PLXNC1: variants seen among roughly 807,000 people sequenced by gnomAD.
PLXNC1 encodes plexin-C1.
In PLXNC1, 75 loss-of-function variants were observed where a neutral mutation model predicts 178.2. The observed-to-expected ratio is 0.42, with a 90% CI of 0.35 to 0.51. The LOEUF (loss-of-function observed/expected upper bound fraction) is 0.51. Among genes scored for constraint, PLXNC1 ranks in the 20% least tolerant of loss-of-function variants. The pLI is 0.02. For missense variants in PLXNC1, 1,503 were observed against 1,984.4 expected (o/e 0.76, Z 4.61); for synonymous variants, 790 against 779.9 (o/e 1.01, Z -0.22).
chr12:94,199,692 G>A (rs2135987841), intron 4 of PLXNC1, among the ~76,000 whole-genome samples: 1 of 152,332 alleles, frequency 6.6e-6, no homozygotes, highest in Admixed American at 6.5e-5. Flanking sequence ...GGGGATAGCA[G>A]TGCTAAGGGG....
At chr12:94,259,899 CAAA>C (rs67260160) in intron 19 of PLXNC1, among the ~76,000 whole-genome samples, 165 bp downstream of exon 19, 34 of 114,218 alleles carry the variant, frequency 3.0e-4, no homozygotes, top group Admixed American at 9.9e-4. Flanking sequence ...CTTGTCTCTA[CAAA>C]AAAAAAAAAA....
intron 4 of PLXNC1, among the ~76,000 whole-genome samples, chr12:94,191,870 A>G (rs1423284959): frequency 6.6e-6 from 1 of 152,150 alleles, no homozygotes; most frequent in Non-Finnish European, 1.5e-5. Flanking sequence ...GGAACCTCAG[A>G]TCCAACCTGT....
At chr12:94,283,156 A>G (rs1228272234) in intron 23 of PLXNC1, among the ~76,000 whole-genome samples, 3 of 117,006 alleles carry the variant, frequency 2.6e-5, no homozygotes, top group Admixed American at 1.6e-4. Flanking sequence ...AAGGAGTGCA[A>G]AAAAGGACGG....
intron 4 of PLXNC1, among the ~76,000 whole-genome samples, chr12:94,203,765 G>A (rs554137380): frequency 2.9e-4 from 44 of 152,292 alleles, no homozygotes; most frequent in Non-Finnish European, 4.1e-4. Context: ...AACAGTGCCT[G>A]GCCTATGGGC....
At chr12:94,241,522 A>G (rs904431378) in intron 11 of PLXNC1, among the ~76,000 whole-genome samples, 1 of 151,678 alleles carries the variant, frequency 6.6e-6, no homozygotes, top group Non-Finnish European at 1.5e-5. Context: ...CCGCCACACC[A>G]CCCTTCCCAG....
chr12:94,182,859 G>GTATCTATCTATCTATC (rs59933010), intron 3 of PLXNC1, among the ~76,000 whole-genome samples: 63 of 144,040 alleles, frequency 4.4e-4, no homozygotes, highest in South Asian at 1.1e-3. Context: ...AAGAATATCT[G>GTATCTATCTATCTATC]TATCTATCTA....
Position 94,297,369 on chromosome 12 carries a change from G to A in PLXNC1, c.4020G>A (p.Gly1340=), listed in dbSNP as rs146466581. Residue 1340 remains glycine, a synonymous_variant, in exon 26 of 31, where the codon GGG becomes GGA. Coordinates refer to ENST00000258526, the MANE Select transcript of PLXNC1 (RefSeq NM_005761.3). ...ATGTGCAAGGAAAGAGACATCGAGG[G>A]AAGCACAAGTTCAAAGTAAAAGAAA... ...FQDVQGKRHR[G]KHKFKVKEMY... is the part of the protein sequence containing the mutation. 390 of 1,614,024 alleles carry A rather than the reference G, an allele frequency of 2.4e-4. 1 individual carries two copies. Among genetic ancestry groups the A allele is most frequent in the Non-Finnish European group, 2.7e-4 (316 of 1,179,958 alleles).
intron 17 of PLXNC1, among the ~76,000 whole-genome samples, chr12:94,256,950 A>G (rs1964862616): frequency 6.6e-6 from 1 of 152,182 alleles, no homozygotes; most frequent in Non-Finnish European, 1.5e-5. Flanking sequence ...GTTGTGTATA[A>G]TCTTGAAAAA....
chr12:94,204,741 A>AATT (rs1416229752), intron 4 of PLXNC1, among the ~76,000 whole-genome samples: 2 of 152,232 alleles, frequency 1.3e-5, no homozygotes, highest in African/African-American at 4.8e-5. Context: ...CCTTCCCTAA[A>AATT]AATGCAGACA....
intron 6 of PLXNC1, among the ~76,000 whole-genome samples, chr12:94,220,909 A>T (rs983654671): frequency 1.3e-5 from 2 of 152,192 alleles, no homozygotes; most frequent in Non-Finnish European, 2.9e-5. Flanking sequence ...TTATTTGAAG[A>T]ACCAGAAGAG....
At chr12:94,290,877 C>T (rs1259149555) in intron 23 of PLXNC1, among the ~76,000 whole-genome samples, 5 of 152,200 alleles carry the variant, frequency 3.3e-5, no homozygotes, top group East Asian at 1.9e-4. Context: ...AGGGTCAGTC[C>T]TCCAGAAACA....
intron 5 of PLXNC1, among the ~76,000 whole-genome samples, chr12:94,214,321 A>G (rs1332462950): frequency 6.6e-6 from 1 of 152,102 alleles, no homozygotes; most frequent in Non-Finnish European, 1.5e-5. Flanking sequence ...CCCTGGGCTC[A>G]AGTGATCCTC....
Position 94,306,436 on chromosome 12 carries a change from C to T in PLXNC1, c.*1151C>T, listed in dbSNP as rs1195608559. Reference sequence around the variant, plus strand: ...TTCATGCCTTTCTTTTTAAAGAATTCTCTATCCAGTTATACTGTAGTCTTT... The same window carrying T: ...TTCATGCCTTTCTTTTTAAAGAATTTTCTATCCAGTTATACTGTAGTCTTT... On this transcript the variant is annotated 3_prime_UTR_variant, in exon 31 of 31. Coordinates refer to ENST00000258526, the MANE Select transcript of PLXNC1 (RefSeq NM_005761.3). The T allele has an allele frequency of 6.6e-6, 1 of 152,134 alleles. No individual in the cohort carries two copies. The highest frequency in any genetic ancestry group is 1.5e-5 in the Non-Finnish European group (1 of 68,014). 9.4% of individuals were successfully genotyped at this position (152,134 alleles called of 1,614,324 possible).
chr12:94,269,934 G>T (rs1182657421), intron 21 of PLXNC1, among the ~76,000 whole-genome samples: 2 of 152,114 alleles, frequency 1.3e-5, no homozygotes, highest in East Asian at 3.8e-4. Context: ...AACATGTAAT[G>T]GGTGCTTTAA....
At chr12:94,220,987 C>T (rs890912475) in intron 6 of PLXNC1, among the ~76,000 whole-genome samples, 3 of 152,160 alleles carry the variant, frequency 2.0e-5, no homozygotes, top group Non-Finnish European at 2.9e-5. Flanking sequence ...AGATAGATAC[C>T]AAAGGAGGCA....
rs376806060 is a variant in PLXNC1 at position 94,260,509 on chromosome 12, TAAAA to T, written c.3252-118_3252-115del. 1.1e-3 allele frequency: 546 copies of T among 483,898 alleles called. No individual in the cohort carries two copies. The highest frequency in any genetic ancestry group is 2.1e-3 in the Middle Eastern group (4 of 1,904). The allele number at this position is 483,898 out of a possible 1,614,324, so 30.0% of individuals were successfully genotyped here. A position where few individuals can be genotyped will look rare whatever the true frequency, so the allele number is the denominator to read the frequency against. On this transcript the variant is annotated intron_variant, in intron 19 of 30. Coordinates refer to ENST00000258526, the MANE Select transcript of PLXNC1 (RefSeq NM_005761.3). This position sits in a 1 kb window ranked among gnomAD's most constrained non-coding sequence, Gnocchi z 4.4. ...ATAGAAGTGGTTAGAATCTAAACATTAAAAAAAAAAAAAAAAAAGCTCCCAACCC... is the reference window on the plus strand; with the variant it reads ...ATAGAAGTGGTTAGAATCTAAACATTAAAAAAAAAAAAAAGCTCCCAACCC...
At chr12:94,271,953 C>A (rs566190513) in intron 21 of PLXNC1, among the ~76,000 whole-genome samples, 1 of 152,064 alleles carries the variant, frequency 6.6e-6, no homozygotes, top group Admixed American at 6.5e-5. Context: ...TACATATGAC[C>A]GCTGTGATGG....
At position 94,306,998 on chromosome 12, in the gene PLXNC1, C is replaced by T. The variant is rs1447439873; in HGVS notation, c.*1713C>T. The T allele has an allele frequency of 2.0e-5, 3 of 152,178 alleles. No individual in the cohort carries two copies. Among genetic ancestry groups the T allele is most frequent in the Admixed American group, 2.0e-4 (3 of 15,270 alleles). The allele number at this position is 152,178 out of a possible 1,614,324, so 9.4% of individuals were successfully genotyped here. ...GGTGAAGGAGTTCATAAGAGAACAA[C>T]AGTAGGAAAGTTGAGAGCCAAGGGT... On this transcript the variant is annotated 3_prime_UTR_variant, in exon 31 of 31. Transcript: ENST00000258526.
intron 14 of PLXNC1, among the ~76,000 whole-genome samples, chr12:94,249,864 G>A (rs148666995): frequency 4.8e-5 from 7 of 144,818 alleles, no homozygotes; most frequent in East Asian, 4.1e-4. Context: ...GAGACACAGC[G>A]TGAAGAATAT....
Sources: gnomAD v4.1 joint callset for allele counts (sites outside exome capture counted in the v4.1 genomes callset) on GRCh38, gnomAD v4.1.1 for gene constraint, Gnocchi (gnomAD v3.1) non-coding constraint, MANE v1.5 for transcripts, NCBI Gene and HGNC (gene_info 2026-07-23, HGNC 2026-07-21) for gene names.